SYNE2: variants seen among roughly 807,000 people sequenced by gnomAD.
SYNE2 encodes the protein spectrin repeat containing nuclear envelope protein 2, also known as nesprin-2.
SYNE2 carries 431 observed loss-of-function variants against 856.3 expected under a neutral mutation model. The observed-to-expected ratio is 0.50, with a 90% CI of 0.47 to 0.55. The LOEUF is 0.55. SYNE2 is among the 20% of genes least tolerant of loss of function. SYNE2 has a pLI of 0.00. For synonymous variants in SYNE2, 2,923 were observed against 2,872.3 expected, an observed-to-expected ratio of 1.02 and a Z score of -0.56; for missense variants, 8,129 against 8,023.2, an observed-to-expected ratio of 1.01 and a Z score of -0.50.
intron 1 of SYNE2, among the ~76,000 whole-genome samples, chr14:63,879,473 G>A (rs1029232259): frequency 2.0e-5 from 3 of 152,160 alleles, no homozygotes; most frequent in Admixed American, 6.5e-5. Flanking sequence ...AATTCTGACC[G>A]TTACCATAAA....
At chr14:63,970,694 C>T (rs1308036920) in intron 11 of SYNE2, among the ~76,000 whole-genome samples, 1 of 121,456 alleles carries the variant, frequency 8.2e-6, no homozygotes, top group Non-Finnish European at 1.6e-5. Flanking sequence ...CTCTCTGTCT[C>T]CTGGGCTGGA....
Position 64,031,137 on chromosome 14 carries a change from C to A in SYNE2, c.7001C>A (p.Ser2334Ter). The A allele has an allele frequency of 6.2e-7, 1 of 1,614,060 alleles. No homozygotes were observed. Among genetic ancestry groups the A allele is most frequent in the South Asian group, 1.1e-5 (1 of 91,054 alleles). ...GQKIIKDDIKSLQCKQKDLEN... is the reference protein window; with the variant it reads ...GQKIIKDDIK ...AAGATTATTAAAGATGATATAAAAT[C>A]ACTTCAGTGTAAACAAAAAGATTTG... is the stretch of plus-strand genomic sequence containing the variant. Residue 2334 changes from serine to a stop codon, truncating the protein, a stop_gained, in exon 45 of 116, where the codon TCA (serine) becomes TAA (stop). Coordinates refer to ENST00000555002, the MANE Select transcript of SYNE2 (RefSeq NM_182914.3). LOFTEE classifies it high-confidence loss of function.
chr14:63,927,243 T>C (rs2095680500), intron 2 of SYNE2, among the ~76,000 whole-genome samples: 1 of 151,792 alleles, frequency 6.6e-6, no homozygotes, highest in Non-Finnish European at 1.5e-5. Flanking sequence ...CAGGGTAGAG[T>C]TGATGGTAGA....
At chr14:63,990,834 G>C in intron 20 of SYNE2, 108 bp from the exon 21 acceptor site, 2 of 891,432 alleles carry the variant, frequency 2.2e-6, no homozygotes, top group Non-Finnish European at 3.6e-6. Flanking sequence ...AATTTAGATA[G>C]ATATCTAAAT....
At chr14:64,183,693 C>G (rs2098473325) in intron 96 of SYNE2, among the ~76,000 whole-genome samples, 1 of 152,184 alleles carries the variant, frequency 6.6e-6, no homozygotes, top group Non-Finnish European at 1.5e-5. Flanking sequence ...GCTGGCAGAT[C>G]ACTCGTGGTT....
At position 64,053,132 on chromosome 14, in the gene SYNE2, T is replaced by C. The variant is rs1282225487; in HGVS notation, c.9219T>C (p.Pro3073=). Residue 3073 remains proline (P), a synonymous_variant, in exon 48 of 116, where the codon CCT becomes CCC. Transcript: ENST00000555002. ...TGACTGAAGTAGTACTAAAAGCTCC[T>C]GATAGCTCTCCGGAAAGCAGACGGC... ...KKMTEVVLKA[P]DSSPESRRLN... 1 of 1,614,028 alleles carries C rather than the reference T, an allele frequency of 6.2e-7. No homozygotes were observed. The highest frequency in any genetic ancestry group is 1.3e-5 in the African/African-American group (1 of 74,938).
chr14:63,846,072 A>C (rs558155414), intron 1 of SYNE2, among the ~76,000 whole-genome samples: 5 of 143,108 alleles, frequency 3.5e-5, no homozygotes, highest in Non-Finnish European at 6.1e-5. Flanking sequence ...CTCTTGAGAC[A>C]AGGTTCTGGC....
intron 87 of SYNE2, among the ~76,000 whole-genome samples, chr14:64,159,815 CATT>C (rs1425232265): frequency 2.6e-5 from 4 of 152,092 alleles, no homozygotes; most frequent in African/African-American, 9.7e-5. Context: ...TCACTGGAAA[CATT>C]ATAAGGTGGA....
At chr14:64,038,405 C>T (rs1330986701) in intron 45 of SYNE2, among the ~76,000 whole-genome samples, 2 of 152,274 alleles carry the variant, frequency 1.3e-5, no homozygotes, top group Non-Finnish European at 2.9e-5. Flanking sequence ...CGATGGGCGG[C>T]CCGGCAGAGA....
intron 73 of SYNE2, among the ~76,000 whole-genome samples, chr14:64,127,024 G>C (rs1450009523): frequency 1.3e-5 from 2 of 152,106 alleles, no homozygotes; most frequent in African/African-American, 4.8e-5. Context: ...TTTGGGAGAG[G>C]CCAAGGCAGG....
At chr14:63,823,297 G>A (rs1889297183) in intron 1 of SYNE2, among the ~76,000 whole-genome samples, 2 of 151,664 alleles carry the variant, frequency 1.3e-5, no homozygotes, top group Admixed American at 1.3e-4. Flanking sequence ...TCCTATCTCA[G>A]CCTCCCAAGT....
Position 64,216,406 on chromosome 14 carries a change from G to A in SYNE2, c.19542+19G>A. On this transcript the variant is annotated intron_variant, in intron 108 of 115. Coordinates refer to ENST00000555002, the MANE Select transcript of SYNE2 (RefSeq NM_182914.3). ...ACCCTATGTAAGTCTTAACTTCACT[G>A]GGAGTACAGCCTATGTCTGTGAGTC... 2 of 1,613,200 alleles carry A rather than the reference G, an allele frequency of 1.2e-6. No individual in the cohort carries two copies. The highest frequency in any genetic ancestry group is 1.7e-6 in the Non-Finnish European group (2 of 1,179,174).
rs144253116 is a variant in SYNE2 at position 64,207,513 on chromosome 14, T to G, written c.18202-1245T>G. Among the ~76,000 whole-genome samples the G allele has an allele frequency of 1.1e-3, 158 of 146,538 alleles. 5 individuals are homozygous for G. The East Asian group carries it at 0.028, about 26-fold the overall frequency. ...AGGTAGAGGTTTCCGTGAGCCAAGA[T>G]CGCACCACTATAACAGAGTGAAACC... On this transcript the variant is annotated intron_variant, in intron 100 of 115. Coordinates refer to ENST00000555002, the MANE Select transcript of SYNE2 (RefSeq NM_182914.3).
intron 1 of SYNE2, chr14:63,873,787 A>T (rs1457565626): frequency 6.6e-6 from 1 of 152,190 alleles, no homozygotes; most frequent in African/African-American, 2.4e-5. Flanking sequence ...TCCTCACTGA[A>T]CTGTGGATGG....
At position 64,186,522 on chromosome 14, in the gene SYNE2, G is replaced by A. The variant is rs772228094; in HGVS notation, c.17655G>A (p.Met5885Ile). 16 of 1,614,212 alleles carry A rather than the reference G, an allele frequency of 9.9e-6. No individual in the cohort carries two copies. The highest frequency in any genetic ancestry group is 1.4e-5 in the Non-Finnish European group (16 of 1,180,032). ...GGCACGTTCTCGTGGAAGATGTGAT[G>A]GTTTTGAAGGAGCAAATAGAGCATT... is the stretch of plus-strand genomic sequence containing the variant. ...LTRHVLVEDV[M>I]VLKEQIEHLH... Residue 5885 changes from methionine to isoleucine, a missense_variant, in exon 97 of 116, where the codon ATG becomes ATA. Coordinates refer to ENST00000555002, the MANE Select transcript of SYNE2 (RefSeq NM_182914.3).
chr14:63,863,354 T>C (rs991632379), intron 1 of SYNE2, among the ~76,000 whole-genome samples: 3 of 152,168 alleles, frequency 2.0e-5, no homozygotes, highest in Non-Finnish European at 2.9e-5. Context: ...ATACCACCTG[T>C]TTTCTCCTAC....
At chr14:64,066,584 A>G (rs918048893) in intron 51 of SYNE2, among the ~76,000 whole-genome samples, 1 of 152,212 alleles carries the variant, frequency 6.6e-6, no homozygotes, top group Non-Finnish European at 1.5e-5. Context: ...GCTTATAACT[A>G]TTATCCTTAA....
Position 64,140,061 on chromosome 14 carries a change from C to A in SYNE2, c.14964C>A (p.Ile4988=). ...SQDLDTIRSN[I]NNFFEFSKEV... is the part of the protein sequence containing the mutation. ...ACTTGGATACAATCAGAAGCAACAT[C>A]AACAATTTTTTTGTAAGTTGTAATA... The change falls in exon 80 of 116, where the codon ATC becomes ATA. Residue 4988 remains isoleucine, a synonymous_variant. Coordinates refer to ENST00000555002, the MANE Select transcript of SYNE2 (RefSeq NM_182914.3). The A allele has an allele frequency of 1.9e-6, 3 of 1,613,556 alleles. No individual in the cohort carries two copies. The highest frequency in any genetic ancestry group is 2.5e-6 in the Non-Finnish European group (3 of 1,179,916).
intron 94 of SYNE2, among the ~76,000 whole-genome samples, chr14:64,170,901 C>T (rs2098407437): frequency 6.6e-6 from 1 of 152,044 alleles, no homozygotes; most frequent in South Asian, 2.1e-4. Context: ...TTTGATAGCA[C>T]AGTAGGGTGA....
Sources: allele counts gnomAD v4.1 joint callset (sites outside exome capture counted in the v4.1 genomes callset), GRCh38; gene constraint gnomAD v4.1.1; transcripts MANE v1.5; gene names NCBI Gene and HGNC (gene_info 2026-07-23, HGNC 2026-07-21).